The following HLCS variants were observed in gnomAD, a reference collection of about 807,000 sequenced individuals.
The protein encoded by HLCS is biotin--protein ligase.
Under a neutral mutation model 75.0 loss-of-function variants are expected in HLCS, and 53 were observed. That is an observed-to-expected ratio of 0.71 (90% CI 0.57 to 0.89). The LOEUF (loss-of-function observed/expected upper bound fraction) is 0.89, where lower values mean the gene tolerates loss of function less well. HLCS is among the 40% of genes least tolerant of loss of function. The pLI is 0.00. For synonymous variants in HLCS, 431 were observed against 428.6 expected (o/e 1.01, Z -0.07); for missense variants, 966 against 1,074.0 (o/e 0.90, Z 1.41).
chr21:36,773,851 G>A (rs1426891974), intron 6 of HLCS, among the ~76,000 whole-genome samples: 4 of 152,144 alleles, frequency 2.6e-5, no homozygotes, highest in Admixed American at 6.5e-5. Flanking sequence ...AAGCAGTGCC[G>A]AACTTCATTT....
At chr21:36,795,754 A>T (rs953146946) in intron 6 of HLCS, among the ~76,000 whole-genome samples, 2 of 152,228 alleles carry the variant, frequency 1.3e-5, no homozygotes, top group African/African-American at 2.4e-5. Flanking sequence ...GGAGGAACTG[A>T]GGGCAGAGAT....
chr21:36,796,292 T>C (rs1465352915), intron 6 of HLCS, among the ~76,000 whole-genome samples: 1 of 152,166 alleles, frequency 6.6e-6, no homozygotes, highest in Non-Finnish European at 1.5e-5. Flanking sequence ...TGGTTTAACA[T>C]CAGAAAAATG....
At chr21:36,928,071 C>A (rs1033740801) in intron 5 of HLCS, among the ~76,000 whole-genome samples, 1 of 152,170 alleles carries the variant, frequency 6.6e-6, no homozygotes, top group African/African-American at 2.4e-5. Flanking sequence ...TGGTCCAGAT[C>A]TATAAATACT....
upstream of HLCS, among the ~76,000 whole-genome samples, chr21:36,971,513 A>G (rs533425818): frequency 6.6e-6 from 1 of 152,162 alleles, no homozygotes; most frequent in South Asian, 2.1e-4. Flanking sequence ...ATTGAAATAC[A>G]CCCAATTATG....
chr21:36,884,009 G>C (rs2064342074), intron 6 of HLCS, among the ~76,000 whole-genome samples: 1 of 152,176 alleles, frequency 6.6e-6, no homozygotes, highest in Non-Finnish European at 1.5e-5. Context: ...CAAAGGCCTT[G>C]AGTCAACACA....
At chr21:36,868,770 C>T (rs2063663525) in intron 6 of HLCS, among the ~76,000 whole-genome samples, 1 of 152,178 alleles carries the variant, frequency 6.6e-6, no homozygotes, top group African/African-American at 2.4e-5. Context: ...ACCGTACAAG[C>T]ATTCTTCCAC....
chr21:36,900,979 G>A (rs574286371), intron 5 of HLCS, among the ~76,000 whole-genome samples: 1 of 152,266 alleles, frequency 6.6e-6, no homozygotes, highest in South Asian at 2.1e-4. Context: ...ATCCCACGGG[G>A]GCTGGGCGCG....
At chr21:36,810,512 G>C (rs2061481244) in intron 6 of HLCS, among the ~76,000 whole-genome samples, 1 of 152,162 alleles carries the variant, frequency 6.6e-6, no homozygotes, top group South Asian at 2.1e-4. Flanking sequence ...TGCAGCTCAA[G>C]ACCCACCTTG....
rs552767274 is a variant in HLCS at position 36,756,242 on chromosome 21, T to A, written c.2450+300A>T. ...TCACAAGGTCAGGAGATCGAGACCA[T>A]CCTGGCTAACACGGTGAAACCCCAC... On this transcript the variant is annotated intron_variant, in intron 10 of 10. Transcript: ENST00000674895. 4.5e-3 allele frequency among the ~76,000 whole-genome samples: 669 copies of A among 149,906 alleles called. 5 individuals carry two copies. The highest frequency in any genetic ancestry group is 0.016 in the African/African-American group (648 of 39,430).
intron 5 of HLCS, among the ~76,000 whole-genome samples, chr21:36,903,059 G>C (rs1354008261): frequency 6.6e-6 from 1 of 152,182 alleles, no homozygotes; most frequent in Non-Finnish European, 1.5e-5. Context: ...AGAGCTCCCA[G>C]AGAAGGCATG....
At position 36,756,701 on chromosome 21, in the gene HLCS, A is replaced by G; in HGVS notation, c.2291T>C (p.Ile764Thr). ...CTTGTGTTGTTTATTGTATTCTGTGATGAGGTCGTTGATGCAGATGGTAGG... is the reference window on the plus strand; with the variant it reads ...CTTGTGTTGTTTATTGTATTCTGTGGTGAGGTCGTTGATGCAGATGGTAGG... ...SNPTICINDL[I>T]TEYNKQHKAE... The change falls in exon 10 of 11, where the codon ATC becomes ACC. Residue 764 changes from isoleucine to threonine, a missense_variant. Ile to Thr is a moderately conservative substitution (Grantham distance 89). Coordinates refer to ENST00000674895, the MANE Select transcript of HLCS (RefSeq NM_001352514.2). 1.2e-6 allele frequency: 2 copies of G among 1,614,170 alleles called. No homozygotes were observed. The highest frequency in any genetic ancestry group is 1.7e-6 in the Non-Finnish European group (2 of 1,180,028).
At chr21:36,851,572 T>G (rs1473320324) in intron 6 of HLCS, among the ~76,000 whole-genome samples, 1 of 151,994 alleles carries the variant, frequency 6.6e-6, no homozygotes, top group South Asian at 2.1e-4. Context: ...GGGGACAAAA[T>G]AGTAGTTAGA....
intron 6 of HLCS, among the ~76,000 whole-genome samples, chr21:36,876,478 T>C (rs140458737): frequency 1.5e-3 from 232 of 152,294 alleles, no homozygotes; most frequent in African/African-American, 5.4e-3. Flanking sequence ...TTCAAAACAG[T>C]TCGTACTTTC....
At chr21:36,765,234 G>A (rs369970082) in intron 7 of HLCS, 62 bp from the exon 8 acceptor site, 208 of 1,472,954 alleles carry the variant, frequency 1.4e-4, no homozygotes, top group Non-Finnish European at 1.7e-4. Context: ...GCAGACACAC[G>A]TCATGCCAGG....
chr21:36,938,417 G>C (rs919682149), intron 3 of HLCS, among the ~76,000 whole-genome samples: 1 of 152,182 alleles, frequency 6.6e-6, no homozygotes, highest in Non-Finnish European at 1.5e-5. Context: ...AATCAAACCT[G>C]TGGACTGAAT....
chr21:36,786,693 T>C (rs999244423), intron 6 of HLCS, among the ~76,000 whole-genome samples: 30 of 152,366 alleles, frequency 2.0e-4, no homozygotes, highest in African/African-American at 7.0e-4. Context: ...AAAGGCATCT[T>C]GAACCATCTG....
intron 4 of HLCS, 58 bp from the exon 5 acceptor site, chr21:36,930,491 C>T: frequency 7.4e-7 from 1 of 1,358,802 alleles, no homozygotes; most frequent in Admixed American, 1.9e-5. Context: ...ATGAGAAAAA[C>T]AGTTTCTTTT....
intron 5 of HLCS, among the ~76,000 whole-genome samples, chr21:36,920,324 C>T (rs1392971462): frequency 4.7e-5 from 7 of 150,206 alleles, no homozygotes; most frequent in African/African-American, 1.7e-4. Context: ...CAGAACGAGA[C>T]CCTGTCTCAA....
chr21:36,754,552 A>T (rs2089486046), intron 10 of HLCS, 135 bp from the exon 11 acceptor site: 1 of 882,154 alleles, frequency 1.1e-6, no homozygotes, highest in Non-Finnish European at 1.8e-6. Flanking sequence ...GGGAAAAGGC[A>T]GCCTGGGCTG....
Sources: gnomAD v4.1 joint callset for allele counts (sites outside exome capture counted in the v4.1 genomes callset) on GRCh38, gnomAD v4.1.1 for gene constraint, MANE v1.5 for transcripts, NCBI Gene and HGNC (gene_info 2026-07-23, HGNC 2026-07-21) for gene names.